NFATC2: variants seen among roughly 807,000 people sequenced by gnomAD.
NFATC2 encodes the protein nuclear factor of activated T-cells, cytoplasmic 2.
Under a neutral mutation model 87.3 loss-of-function variants are expected in NFATC2, and 22 were observed. That is an observed-to-expected ratio of 0.25 (90% CI 0.18 to 0.36). The LOEUF is 0.36. Among genes scored for constraint, NFATC2 ranks in the 10% least tolerant of loss-of-function variants. NFATC2 has a pLI of 1.00. For synonymous variants in NFATC2, 565 were observed against 542.2 expected, an observed-to-expected ratio of 1.04 and a Z score of -0.58; for missense variants, 1,149 against 1,259.1, an observed-to-expected ratio of 0.91 and a Z score of 1.32.
chr20:51,507,536 G>A (rs936779890), intron 3 of NFATC2, among the ~76,000 whole-genome samples: 1 of 152,140 alleles, frequency 6.6e-6, no homozygotes, highest in Non-Finnish European at 1.5e-5. Flanking sequence ...GATCACACTG[G>A]AACTTTTGTT....
chr20:51,398,775 T>A (rs568517133), intron 9 of NFATC2, 45 bp from the exon 10 acceptor site: 1 of 1,163,938 alleles, frequency 8.6e-7, no homozygotes, highest in Non-Finnish European at 1.3e-6. Flanking sequence ...AAAAAAAAAA[T>A]CACCTTTGAT....
chr20:51,476,437 T>C (rs2146521494), intron 3 of NFATC2, among the ~76,000 whole-genome samples: 1 of 152,166 alleles, frequency 6.6e-6, no homozygotes, highest in African/African-American at 2.4e-5. Context: ...GATTAGCACA[T>C]AGAATATATG....
In NFATC2 at chr20:51,461,044, G is replaced by A. The variant is rs373511493; in HGVS notation, c.1709-6356C>T. ...ACCTGAGGACGGGGAACTCCTCCAG[G>A]GCAGGCCCCAGTCCTCAGAGAACCC... On this transcript the variant is annotated intron_variant, in intron 5 of 10. Transcript: ENST00000371564. 3.9e-5 allele frequency among the ~76,000 whole-genome samples: 6 copies of A among 152,262 alleles called. No individual in the cohort carries two copies. In the East Asian group the frequency reaches 1.2e-3, roughly 29 times the overall value.
At chr20:51,505,912 A>G (rs1035622917) in intron 3 of NFATC2, among the ~76,000 whole-genome samples, 1 of 152,166 alleles carries the variant, frequency 6.6e-6, no homozygotes, top group Non-Finnish European at 1.5e-5. Flanking sequence ...CCTTTTTAAA[A>G]TCCTAACACG....
chr20:51,543,278 G>A (rs2076855044), upstream of NFATC2, among the ~76,000 whole-genome samples: 1 of 152,224 alleles, frequency 6.6e-6, no homozygotes, highest in East Asian at 1.9e-4. Context: ...CAGGTGCTGG[G>A]CACCCAGCCG....
At chr20:51,408,153 G>A (rs984760892) in intron 9 of NFATC2, among the ~76,000 whole-genome samples, 2 of 152,314 alleles carry the variant, frequency 1.3e-5, no homozygotes, top group South Asian at 2.1e-4. Context: ...AGTGAGCCTC[G>A]TGAGAAGTGG....
chr20:51,422,028 G>T (rs1277277191), intron 9 of NFATC2, among the ~76,000 whole-genome samples: 1 of 152,214 alleles, frequency 6.6e-6, no homozygotes, highest in African/African-American at 2.4e-5. Context: ...ATCAGCTTAT[G>T]CAACAGAACC....
chr20:51,497,191 C>T (rs1476530986), intron 3 of NFATC2, among the ~76,000 whole-genome samples: 1 of 152,208 alleles, frequency 6.6e-6, no homozygotes, highest in East Asian at 1.9e-4. Context: ...CAGGCACCCT[C>T]CGAGGCTCTG....
chr20:51,542,691 G>T lies in NFATC2; in HGVS notation c.-192C>A, dbSNP rs1210276004. ...GACGCGCCCGGGGAAGCTGAGCGGCGGCGGCGACGGCGGCGCGAGCTTCCT... is the reference window on the plus strand; with the variant it reads ...GACGCGCCCGGGGAAGCTGAGCGGCTGCGGCGACGGCGGCGCGAGCTTCCT... On this transcript the variant is annotated 5_prime_UTR_variant, in exon 1 of 11. Coordinates refer to ENST00000371564, the MANE Select transcript of NFATC2 (RefSeq NM_012340.5). 6.2e-6 allele frequency: 7 copies of T among 1,122,224 alleles called. No homozygotes were observed. Among genetic ancestry groups the T allele is most frequent in the African/African-American group, 1.7e-5 (1 of 59,992 alleles). 69.5% of individuals were successfully genotyped at this position (1,122,224 alleles called of 1,614,324 possible). A position where few individuals can be genotyped will look rare whatever the true frequency, so the allele number is the denominator to read the frequency against.
At chr20:51,444,656 C>G (rs1027068442) in intron 6 of NFATC2, among the ~76,000 whole-genome samples, 3 of 152,146 alleles carry the variant, frequency 2.0e-5, no homozygotes, top group Non-Finnish European at 2.9e-5. Context: ...AAAGTGTCAG[C>G]TCGTGTTAGG....
chr20:51,561,370 G>A (rs1305393475), intron 1 of NFATC2, among the ~76,000 whole-genome samples: 3 of 139,564 alleles, frequency 2.1e-5, no homozygotes, highest in Admixed American at 7.3e-5. Flanking sequence ...AAGAAAGAAA[G>A]AGAGAGAAAA....
chr20:51,478,788 C>T (rs1226540803), intron 3 of NFATC2, among the ~76,000 whole-genome samples: 3 of 152,214 alleles, frequency 2.0e-5, no homozygotes, highest in African/African-American at 4.8e-5. Context: ...TTCTCCTCCA[C>T]CACCCCACTA....
Position 51,431,960 on chromosome 20 carries a change from G to A in NFATC2, c.2722+107C>T, listed in dbSNP as rs879396388. 3.4e-6 allele frequency: 4 copies of A among 1,192,738 alleles called. No individual in the cohort carries two copies. The Admixed American group carries it at 9.8e-5, about 29-fold the overall frequency. 73.9% of individuals were successfully genotyped at this position (1,192,738 alleles called of 1,614,324 possible). A position where few individuals can be genotyped will look rare whatever the true frequency, so the allele number is the denominator to read the frequency against. ...CTCCTTAAATTAAAATGGGGACACTGAGGCCCAAAGAGATTACGGAATCCG... is the reference window on the plus strand; with the variant it reads ...CTCCTTAAATTAAAATGGGGACACTAAGGCCCAAAGAGATTACGGAATCCG... On this transcript the variant is annotated intron_variant, in intron 9 of 10. Coordinates refer to ENST00000371564, the MANE Select transcript of NFATC2 (RefSeq NM_012340.5).
rs1441295092 is a variant in NFATC2 at position 51,475,600 on chromosome 20, C to G, written c.1393G>C (p.Glu465Gln). The change falls in exon 4 of 11, where the codon GAG (glutamate) becomes CAG (glutamine). Residue 465 changes from glutamate to glutamine, a missense_variant. Transcript: ENST00000371564. ...GLQIFIGTAD[E>Q]RILKPHAFYQ... ...AAGGCGTGCGGCTTAAGGATCCGCT[C>G]ATCAGCTGTCCCAATGAAGATCTGA... 6.2e-7 allele frequency: 1 copy of G among 1,613,992 alleles called. No homozygotes were observed. Among genetic ancestry groups the G allele is most frequent in the African/African-American group, 1.3e-5 (1 of 74,902 alleles).
Position 51,559,793 on chromosome 20 carries a change from CACT to C in NFATC2, c.70+2764_70+2766del, listed in dbSNP as rs1681129715. Among the ~76,000 whole-genome samples the C allele has an allele frequency of 2.6e-5, 4 of 152,312 alleles. No homozygotes were observed. In the South Asian group the frequency reaches 8.3e-4, roughly 32 times the overall value. Reference sequence around the variant, plus strand: ...TGTGACCTTGGGCAAAGCCGGGTCTCACTATCCTCAACTGTCAGACAATACTAT... The same window carrying C: ...TGTGACCTTGGGCAAAGCCGGGTCTCATCCTCAACTGTCAGACAATACTAT... On this transcript the variant is annotated intron_variant, in intron 1 of 10. Coordinates refer to the NFATC2 transcript ENST00000414705.
At chr20:51,431,069 G>A (rs182776346) in intron 9 of NFATC2, among the ~76,000 whole-genome samples, 1 of 152,144 alleles carries the variant, frequency 6.6e-6, no homozygotes, top group Non-Finnish European at 1.5e-5. Flanking sequence ...CGCTTGAGGG[G>A]ATGGATACCC....
At chr20:51,548,368 C>T (rs1430474393) in intron 1 of NFATC2, among the ~76,000 whole-genome samples, 2 of 152,174 alleles carry the variant, frequency 1.3e-5, no homozygotes, top group Non-Finnish European at 2.9e-5. Context: ...TTGCCCTTTC[C>T]GCTATGGTGT....
intron 3 of NFATC2, among the ~76,000 whole-genome samples, chr20:51,482,771 C>A (rs1203709958): frequency 6.6e-6 from 1 of 152,084 alleles, no homozygotes; most frequent in African/African-American, 2.4e-5. Context: ...ATCCCCCTAA[C>A]TGAAGTTATC....
At chr20:51,458,656 A>C (rs915164616) in intron 5 of NFATC2, among the ~76,000 whole-genome samples, 1 of 151,790 alleles carries the variant, frequency 6.6e-6, no homozygotes, top group Non-Finnish European at 1.5e-5. Flanking sequence ...AAAAAAAAAA[A>C]AGAAATTATC....
Sources: gnomAD v4.1 joint callset for allele counts (sites outside exome capture counted in the v4.1 genomes callset) on GRCh38, gnomAD v4.1.1 for gene constraint, MANE v1.5 for transcripts, NCBI Gene and HGNC (gene_info 2026-07-23, HGNC 2026-07-21) for gene names.